The following AGBL4 variants were observed in gnomAD, a reference collection of about 807,000 sequenced individuals.
AGBL4 encodes AGBL carboxypeptidase 4.
AGBL4 carries 58 observed loss-of-function variants against 66.4 expected under a neutral mutation model. The ratio of observed to expected loss-of-function variants is 0.87; its 90% CI spans 0.71 to 1.09. The LOEUF is 1.09. AGBL4 is among the 50% of genes least tolerant of loss of function. AGBL4 has a pLI of 0.00. For synonymous variants in AGBL4, 234 were observed against 222.9 expected (o/e 1.05, Z -0.44); for missense variants, 579 against 631.0 (o/e 0.92, Z 0.88).
At chr1:49,123,476 TAA>T (rs1645702754) in intron 4 of AGBL4, among the ~76,000 whole-genome samples, 2 of 152,224 alleles carry the variant, frequency 1.3e-5, no homozygotes, top group Admixed American at 6.5e-5. Context: ...TGAGATATTC[TAA>T]AGTTTATCTT....
chr1:49,824,124 G>A (rs750892890), intron 2 of AGBL4, among the ~76,000 whole-genome samples: 5 of 152,052 alleles, frequency 3.3e-5, no homozygotes, highest in Admixed American at 6.6e-5. Context: ...CGGGAGAATC[G>A]CTTGAACCCG....
intron 9 of AGBL4, among the ~76,000 whole-genome samples, chr1:48,625,687 C>T (rs909327505): frequency 2.6e-5 from 4 of 152,140 alleles, no homozygotes; most frequent in African/African-American, 9.7e-5. Context: ...CAAAGAGAAC[C>T]TTCTAGAAAC....
chr1:48,985,472 C>A (rs772244557), intron 5 of AGBL4, among the ~76,000 whole-genome samples: 1 of 152,040 alleles, frequency 6.6e-6, no homozygotes, highest in Non-Finnish European at 1.5e-5. Context: ...TGGAAAAGTG[C>A]CTGGTACTCA....
intron 5 of AGBL4, among the ~76,000 whole-genome samples, chr1:49,003,718 G>C (rs980020967): frequency 6.6e-6 from 1 of 152,050 alleles, no homozygotes; most frequent in Admixed American, 6.5e-5. Flanking sequence ...TTTCTTTTAG[G>C]GTAGATACAG....
intron 6 of AGBL4, among the ~76,000 whole-genome samples, chr1:48,682,961 T>C (rs1006078236): frequency 6.6e-5 from 10 of 152,172 alleles, no homozygotes; most frequent in African/African-American, 1.9e-4. Context: ...AGAGAAACCA[T>C]GGCATCCAGG....
At chr1:49,060,360 G>T (rs1461051529) in intron 4 of AGBL4, among the ~76,000 whole-genome samples, 6 of 152,148 alleles carry the variant, frequency 3.9e-5, no homozygotes, top group Non-Finnish European at 1.5e-5. Context: ...ATGCCTCCCA[G>T]CCATGCGGAA....
intron 4 of AGBL4, among the ~76,000 whole-genome samples, chr1:49,096,025 A>G (rs1645093123): frequency 6.6e-6 from 1 of 151,992 alleles, no homozygotes; most frequent in South Asian, 2.1e-4. Context: ...AAAAGTGGGC[A>G]AAGGATATGA....
chr1:49,118,570 C>T (rs1054674355), intron 4 of AGBL4, among the ~76,000 whole-genome samples: 5 of 152,110 alleles, frequency 3.3e-5, no homozygotes, highest in Non-Finnish European at 1.5e-5. Flanking sequence ...GGTGGATAAG[C>T]TTTTTGATGT....
chr1:48,580,132 T>C (rs968796276), intron 11 of AGBL4, among the ~76,000 whole-genome samples: 1 of 151,980 alleles, frequency 6.6e-6, no homozygotes, highest in Non-Finnish European at 1.5e-5. Context: ...TGAGAGCCAG[T>C]GGAGGGGAAT....
chr1:48,830,938 T>A (rs1337871966), intron 6 of AGBL4, among the ~76,000 whole-genome samples: 1 of 152,108 alleles, frequency 6.6e-6, no homozygotes, highest in Non-Finnish European at 1.5e-5. Context: ...ACAAACAAGG[T>A]CCCTGTCCCC....
intron 1 of AGBL4, among the ~76,000 whole-genome samples, chr1:49,867,005 T>C (rs1646717579): frequency 6.6e-6 from 1 of 152,070 alleles, no homozygotes; most frequent in Admixed American, 6.5e-5. Flanking sequence ...CTGGCTTTAA[T>C]GTTGTTTCCT....
At chr1:49,723,510 T>C (rs972610419) in intron 2 of AGBL4, among the ~76,000 whole-genome samples, 1 of 152,132 alleles carries the variant, frequency 6.6e-6, no homozygotes, top group Non-Finnish European at 1.5e-5. Flanking sequence ...TATTTCTTTA[T>C]ACAGTTTTAT....
intron 6 of AGBL4, among the ~76,000 whole-genome samples, chr1:48,805,130 T>C (rs1382689716): frequency 6.6e-6 from 1 of 152,030 alleles, no homozygotes; most frequent in Non-Finnish European, 1.5e-5. Flanking sequence ...TCAGAGGTGG[T>C]TATTGGACTC....
At chr1:48,742,811 G>T (rs374030375) in intron 6 of AGBL4, 8 of 1,453,160 alleles carry the variant, frequency 5.5e-6, no homozygotes, top group Non-Finnish European at 5.5e-6. Flanking sequence ...GAACTCCAAG[G>T]AAAATAAAAG....
intron 3 of AGBL4, among the ~76,000 whole-genome samples, chr1:49,420,700 CA>C (rs34864072): frequency 0.6 from 74,788 of 124,512 alleles, 19,654 homozygotes; most frequent in Middle Eastern, 0.67. Context: ...GACTCCGTCT[CA>C]AAAAAAAAAA....
intron 6 of AGBL4, chr1:48,728,114 A>AAG (rs2148544615): frequency 7.2e-7 from 1 of 1,394,720 alleles, no homozygotes; most frequent in East Asian, 2.3e-5. Flanking sequence ...AGGAGGGTAA[A>AAG]AGAAAATGTA....
chr1:49,744,061 A>T (rs967546266), intron 2 of AGBL4, among the ~76,000 whole-genome samples: 1 of 152,212 alleles, frequency 6.6e-6, no homozygotes, highest in Non-Finnish European at 1.5e-5. Flanking sequence ...TAATAAAAAA[A>T]AAAGATAGTC....
chr1:49,251,869 T>G (rs1385497302), intron 3 of AGBL4, among the ~76,000 whole-genome samples: 1 of 152,082 alleles, frequency 6.6e-6, no homozygotes, highest in Non-Finnish European at 1.5e-5. Context: ...AAATCCACCT[T>G]ATACCACAAA....
intron 4 of AGBL4, among the ~76,000 whole-genome samples, chr1:49,127,300 G>A (rs944621612): frequency 3.9e-5 from 6 of 152,104 alleles, no homozygotes; most frequent in African/African-American, 7.2e-5. Context: ...GATGGGAAGC[G>A]AGTGAAGGAT....
Sources: gnomAD v4.1 joint callset for allele counts (sites outside exome capture counted in the v4.1 genomes callset) on GRCh38, gnomAD v4.1.1 for gene constraint, MANE v1.5 for transcripts, NCBI Gene and HGNC (gene_info 2026-07-23, HGNC 2026-07-21) for gene names.